The following CDK14 variants were observed in gnomAD, a reference collection of about 807,000 sequenced individuals.
The protein encoded by CDK14 is cyclin-dependent kinase 14.
Under a neutral mutation model 60.7 loss-of-function variants are expected in CDK14, and 34 were observed. The observed-to-expected ratio is 0.56, with a 90% CI of 0.43 to 0.75. CDK14 has a LOEUF of 0.75. Ranked by LOEUF, CDK14 falls within the 30% of genes least tolerant of loss-of-function variation. The pLI is 0.00. For missense variants in CDK14, 482 were observed against 564.1 expected, an observed-to-expected ratio of 0.85 and a Z score of 1.47; for synonymous variants, 197 against 203.7, an observed-to-expected ratio of 0.97 and a Z score of 0.28.
At chr7:90,883,908 C>A (rs1791854040) in intron 6 of CDK14, among the ~76,000 whole-genome samples, 1 of 152,124 alleles carries the variant, frequency 6.6e-6, no homozygotes, top group African/African-American at 2.4e-5. Context: ...TTAAAACTCT[C>A]AATAGACTAG....
chr7:90,647,045 C>A (rs1800485379), intron 2 of CDK14, among the ~76,000 whole-genome samples: 1 of 152,076 alleles, frequency 6.6e-6, no homozygotes, highest in Non-Finnish European at 1.5e-5. Context: ...AAAATATATG[C>A]TTTACTAGTT....
intron 8 of CDK14, among the ~76,000 whole-genome samples, chr7:90,952,373 G>C (rs1356472022): frequency 6.6e-6 from 1 of 152,146 alleles, no homozygotes; most frequent in Non-Finnish European, 1.5e-5. Flanking sequence ...TATTGGATAA[G>C]AGGTTAGCTA....
chr7:91,036,402 A>G (rs1004635432), intron 10 of CDK14, among the ~76,000 whole-genome samples: 6 of 152,162 alleles, frequency 3.9e-5, no homozygotes, highest in African/African-American at 1.4e-4. Flanking sequence ...CATTGTACAC[A>G]ATATACAGTT....
At chr7:90,648,182 G>A (rs1353661070) in intron 2 of CDK14, among the ~76,000 whole-genome samples, 1 of 152,082 alleles carries the variant, frequency 6.6e-6, no homozygotes, top group Non-Finnish European at 1.5e-5. Context: ...CAAGATGGCG[G>A]TTGGAGCTGC....
chr7:90,753,057 A>C (rs1414923963), intron 4 of CDK14, among the ~76,000 whole-genome samples: 1 of 152,232 alleles, frequency 6.6e-6, no homozygotes, highest in African/African-American at 2.4e-5. Flanking sequence ...AAGTTCTACC[A>C]GAAGTGCAGA....
intron 5 of CDK14, among the ~76,000 whole-genome samples, chr7:90,811,363 G>A (rs1789103211): frequency 6.6e-6 from 1 of 151,898 alleles, no homozygotes; most frequent in African/African-American, 2.4e-5. Flanking sequence ...ACAAGCAATG[G>A]GGAAAGGATT....
chr7:90,858,161 A>G (rs2117203534), intron 5 of CDK14, among the ~76,000 whole-genome samples: 1 of 152,330 alleles, frequency 6.6e-6, no homozygotes, highest in East Asian at 1.9e-4. Flanking sequence ...TAAGTGGTCA[A>G]AAATATAATA....
At chr7:90,598,294 G>A (rs940409967) in intron 1 of CDK14, among the ~76,000 whole-genome samples, 7 of 152,164 alleles carry the variant, frequency 4.6e-5, no homozygotes, top group Non-Finnish European at 1.0e-4. Context: ...GGTTTTGATC[G>A]ACAATCAGTA....
chr7:90,810,241 G>A (rs938881621), intron 5 of CDK14, among the ~76,000 whole-genome samples: 2 of 152,036 alleles, frequency 1.3e-5, no homozygotes, highest in African/African-American at 2.4e-5. Context: ...GGGAAACCAA[G>A]TCCAGCAACA....
At chr7:90,900,132 A>G (rs1017460162) in intron 7 of CDK14, among the ~76,000 whole-genome samples, 3 of 152,198 alleles carry the variant, frequency 2.0e-5, no homozygotes, top group Non-Finnish European at 4.4e-5. Context: ...TTTATACCAT[A>G]GTCGAATCAC....
chr7:90,700,449 T>A (rs759282077), intron 2 of CDK14, among the ~76,000 whole-genome samples: 4 of 152,068 alleles, frequency 2.6e-5, no homozygotes, highest in Non-Finnish European at 5.9e-5. Flanking sequence ...CTTGGCAGAG[T>A]ACTTGGAGAC....
In CDK14 at chr7:90,778,694, T is replaced by TC. The variant is rs539332597; in HGVS notation, c.465-11877dup. 4.1e-3 allele frequency among the ~76,000 whole-genome samples: 631 copies of TC among 152,260 alleles called. 4 individuals carry two copies. Among genetic ancestry groups the TC allele is most frequent in the Non-Finnish European group, 7.1e-3 (485 of 68,014 alleles). Reference sequence around the variant, plus strand: ...TTCCCCCATTTTTTCTTTCCCTTCCTCCTTCTCTTCTTTATTTTTGTTTAA... The same window carrying TC: ...TTCCCCCATTTTTTCTTTCCCTTCCTCCCTTCTCTTCTTTATTTTTGTTTAA... On this transcript the variant is annotated intron_variant, in intron 4 of 14. Coordinates refer to ENST00000380050, the MANE Select transcript of CDK14 (RefSeq NM_001287135.2).
intron 5 of CDK14, among the ~76,000 whole-genome samples, chr7:90,811,843 A>G (rs1482564312): frequency 1.1e-4 from 16 of 152,292 alleles, no homozygotes; most frequent in Admixed American, 3.9e-4. Context: ...AGACTTTTGT[A>G]CAACCAAAAG....
intron 5 of CDK14, among the ~76,000 whole-genome samples, chr7:90,791,476 T>C (rs569146846): frequency 1.3e-5 from 2 of 152,326 alleles, no homozygotes; most frequent in East Asian, 3.9e-4. Flanking sequence ...ACAAGATAAA[T>C]TGGTGGTTTG....
At chr7:91,099,606 C>T (rs1328472122) in intron 12 of CDK14, among the ~76,000 whole-genome samples, 1 of 152,046 alleles carries the variant, frequency 6.6e-6, no homozygotes, top group South Asian at 2.1e-4. Context: ...TGCCTATAAT[C>T]GATTTAAGCA....
intron 2 of CDK14, among the ~76,000 whole-genome samples, chr7:90,614,282 G>A (rs1257267502): frequency 6.6e-6 from 1 of 152,156 alleles, no homozygotes; most frequent in Non-Finnish European, 1.5e-5. Context: ...TGGGATTACA[G>A]GCATAAGCCA....
intron 8 of CDK14, among the ~76,000 whole-genome samples, chr7:90,949,051 A>C (rs1794179081): frequency 6.6e-6 from 1 of 152,234 alleles, no homozygotes; most frequent in African/African-American, 2.4e-5. Flanking sequence ...AAGAGAAAAA[A>C]CAGAAAAAAA....
intron 3 of CDK14, among the ~76,000 whole-genome samples, chr7:90,741,222 G>A (rs1159835004): frequency 2.0e-5 from 3 of 152,116 alleles, no homozygotes; most frequent in Non-Finnish European, 4.4e-5. Context: ...TCCATTGAAG[G>A]TGCCACTGTC....
At chr7:91,114,880 A>T (rs141633871) in intron 13 of CDK14, among the ~76,000 whole-genome samples, 1 of 152,270 alleles carries the variant, frequency 6.6e-6, no homozygotes, top group East Asian at 1.9e-4. Context: ...CAGACTTTGG[A>T]GACTTAGGGA....
Sources: gnomAD v4.1 joint callset for allele counts (sites outside exome capture counted in the v4.1 genomes callset) on GRCh38, gnomAD v4.1.1 for gene constraint, MANE v1.5 for transcripts, NCBI Gene and HGNC (gene_info 2026-07-23, HGNC 2026-07-21) for gene names.